The following ERICH1 variants were observed in gnomAD, a reference collection of about 807,000 sequenced individuals.
ERICH1 encodes the protein glutamate-rich protein 1.
Under a neutral mutation model 39.6 loss-of-function variants are expected in ERICH1, and 56 were observed. That is an observed-to-expected ratio of 1.41 (90% CI 1.14 to 1.77). The LOEUF is 1.77. ERICH1 is among the 40% of genes most tolerant of loss of function. ERICH1 has a pLI of 0.00. For synonymous variants in ERICH1, 313 were observed against 223.6 expected, an observed-to-expected ratio of 1.40 and a Z score of -3.57; for missense variants, 826 against 575.4, an observed-to-expected ratio of 1.44 and a Z score of -4.45.
intron 3 of ERICH1, among the ~76,000 whole-genome samples, chr8:630,127 A>T: frequency 9.1e-6 from 1 of 109,540 alleles, no homozygotes; most frequent in East Asian, 4.1e-4. Flanking sequence ...GCACCCACAC[A>T]GACAGAGCTG....
intron 3 of ERICH1, among the ~76,000 whole-genome samples, chr8:675,369 G>C (rs1444297323): frequency 3.5e-4 from 1 of 2,818 alleles, no homozygotes; most frequent in Non-Finnish European, 7.2e-4. Context: ...AGACGCGGCG[G>C]CCCCTCGTGA....
intron 3 of ERICH1, among the ~76,000 whole-genome samples, chr8:677,324 A>C (rs909627289): frequency 1.3e-5 from 2 of 152,206 alleles, no homozygotes; most frequent in Non-Finnish European, 2.9e-5. Context: ...CTGTGAGATG[A>C]CATTGCTGCC....
At chr8:672,561 GAA>G (rs1473435375) in intron 4 of ERICH1, among the ~76,000 whole-genome samples, 1 of 152,036 alleles carries the variant, frequency 6.6e-6, no homozygotes, top group African/African-American at 2.4e-5. Flanking sequence ...TAACGTCATT[GAA>G]AAGACACCTA....
At chr8:619,849 A>G (rs1182389360) in intron 3 of ERICH1, among the ~76,000 whole-genome samples, 1 of 152,244 alleles carries the variant, frequency 6.6e-6, no homozygotes, top group Non-Finnish European at 1.5e-5. Context: ...GTATAAATCT[A>G]AAATAAAATT....
chr8:673,460 C>A lies in ERICH1; in HGVS notation c.892G>T (p.Gly298Cys), dbSNP rs763110826. 6.2e-7 allele frequency: 1 copy of A among 1,611,718 alleles called. No homozygotes were observed. ...EDGKDTREEDGADASEEDPTW... is the reference protein window; with the variant it reads ...EDGKDTREEDCADASEEDPTW... ...GGGTCTTCCTCGCTGGCGTCCGCACCGTCCTCCTCCCTGGTGTCTTTACCG... is the reference window on the plus strand; with the variant it reads ...GGGTCTTCCTCGCTGGCGTCCGCACAGTCCTCCTCCCTGGTGTCTTTACCG... The change falls in exon 4 of 6, where the codon GGT becomes TGT. Residue 298 changes from glycine to cysteine, a missense_variant. Transcript: ENST00000262109.
chr8:643,349 C>G (rs1372349473), intron 3 of ERICH1, among the ~76,000 whole-genome samples: 3 of 152,148 alleles, frequency 2.0e-5, no homozygotes, highest in Admixed American at 2.0e-4. Flanking sequence ...CACAGGGGGA[C>G]CAACCAGAGG....
At chr8:706,389 T>C (rs61340545) in intron 2 of ERICH1, among the ~76,000 whole-genome samples, 8,630 of 152,070 alleles carry the variant, frequency 0.057, 490 homozygotes, top group African/African-American at 0.15. Flanking sequence ...CCACTTACAA[T>C]AGCACCAAAA....
At chr8:723,322 G>A (rs143161320) in intron 1 of ERICH1, among the ~76,000 whole-genome samples, 1 of 152,170 alleles carries the variant, frequency 6.6e-6, no homozygotes, top group South Asian at 2.1e-4. Flanking sequence ...TTCCTTTACA[G>A]CAATGCAGAA....
intron 3 of ERICH1, among the ~76,000 whole-genome samples, chr8:641,679 G>C (rs919195264): frequency 6.6e-6 from 1 of 152,198 alleles, no homozygotes; most frequent in South Asian, 2.1e-4. Context: ...CGGCCGTCAC[G>C]CCTGGGTACG....
At chr8:685,786 A>G (rs1807198382) in intron 3 of ERICH1, among the ~76,000 whole-genome samples, 1 of 151,920 alleles carries the variant, frequency 6.6e-6, no homozygotes, top group Non-Finnish European at 1.5e-5. Flanking sequence ...TTATTACGGT[A>G]GGGACTTTCA....
chr8:678,001 G>A (rs1178723931), intron 3 of ERICH1, among the ~76,000 whole-genome samples: 2 of 152,124 alleles, frequency 1.3e-5, no homozygotes, highest in Non-Finnish European at 2.9e-5. Flanking sequence ...TGTTGAGATC[G>A]ACTGCGCTAT....
intron 3 of ERICH1, among the ~76,000 whole-genome samples, chr8:642,652 T>G (rs939419110): frequency 2.6e-5 from 4 of 152,186 alleles, no homozygotes; most frequent in Admixed American, 6.5e-5. Flanking sequence ...GTTGAGAATT[T>G]CACAGTAATC....
intron 5 of ERICH1, chr8:666,332 TCTC>T (rs1802233652): frequency 1.3e-5 from 2 of 152,206 alleles, no homozygotes; most frequent in Admixed American, 6.5e-5. Flanking sequence ...CTCATAAAAA[TCTC>T]CTATCAGTTT....
At chr8:668,840 T>C (rs1036540814) in intron 4 of ERICH1, 48 bp from the exon 5 acceptor site, 4 of 1,513,660 alleles carry the variant, frequency 2.6e-6, no homozygotes, top group Admixed American at 2.1e-5. Context: ...TTTTTATTTC[T>C]ATAAACTAAA....
rs192644168 is a variant in ERICH1 at position 648,047 on chromosome 8, C to T, written c.976+20551G>A. Among the ~76,000 whole-genome samples the T allele has an allele frequency of 1.0e-4, 7 of 67,680 alleles. 1 individual carries two copies. The highest frequency in any genetic ancestry group is 7.5e-4 in the Admixed American group (6 of 7,992). 44.4% of individuals were successfully genotyped at this position (67,680 alleles called of 152,430 possible). ...AGTGTGGCTGACGCAAACGACAGCA[C>T]GTCAGACAGCAGCTAGAATCCACAG... On this transcript the variant is annotated intron_variant, in intron 3 of 3. Transcript: ENST00000522706.
chr8:636,510 G>A (rs1042264201), intron 3 of ERICH1, among the ~76,000 whole-genome samples: 1 of 152,216 alleles, frequency 6.6e-6, no homozygotes, highest in Non-Finnish European at 1.5e-5. Flanking sequence ...CCTGGGTTCT[G>A]CCCCACGTGG....
chr8:707,217 T>C (rs933266775), intron 2 of ERICH1, among the ~76,000 whole-genome samples: 9 of 146,816 alleles, frequency 6.1e-5, no homozygotes, highest in African/African-American at 2.2e-4. Flanking sequence ...TCTTTTTTTT[T>C]TTTTTTTTTA....
rs1343798324 is a variant in ERICH1 at position 731,130 on chromosome 8, A to G, written c.22+10T>C. Reference sequence around the variant, plus strand: ...GGGTCTGGGCAGGCCTCCGCACCGCACCCACCTACCGTGCTTCCTGTGCGC... The same window carrying G: ...GGGTCTGGGCAGGCCTCCGCACCGCGCCCACCTACCGTGCTTCCTGTGCGC... On this transcript the variant is annotated intron_variant, in intron 1 of 5. Coordinates refer to ENST00000262109, the MANE Select transcript of ERICH1 (RefSeq NM_207332.3). 6.6e-7 allele frequency: 1 copy of G among 1,518,356 alleles called. No homozygotes were observed. The highest frequency in any genetic ancestry group is 2.0e-5 in the Admixed American group (1 of 49,638). 94.1% of individuals were successfully genotyped at this position (1,518,356 alleles called of 1,614,324 possible). A position where few individuals can be genotyped will look rare whatever the true frequency, so the allele number is the denominator to read the frequency against.
At chr8:715,709 G>C in intron 2 of ERICH1, 152 bp downstream of exon 2, 1 of 1,088,152 alleles carries the variant, frequency 9.2e-7, no homozygotes, top group Non-Finnish European at 1.3e-6. Context: ...CTTGTGTGGA[G>C]AGCGATGCCT....
Sources: allele counts gnomAD v4.1 joint callset (sites outside exome capture counted in the v4.1 genomes callset), GRCh38; gene constraint gnomAD v4.1.1; transcripts MANE v1.5; gene names NCBI Gene and HGNC (gene_info 2026-07-23, HGNC 2026-07-21).